Variants in EMC3 observed in about 807,000 individuals in gnomAD.
The protein encoded by EMC3 is 30 kDa protein.
EMC3 carries 13 observed loss-of-function variants against 36.6 expected under a neutral mutation model. The observed-to-expected ratio is 0.35, with a 90% CI of 0.23 to 0.56. The LOEUF (loss-of-function observed/expected upper bound fraction) is 0.56, where lower values mean the gene tolerates loss of function less well. Among genes scored for constraint, EMC3 ranks in the 20% least tolerant of loss-of-function variants. The pLI, the probability that EMC3 is intolerant of heterozygous loss-of-function variation, is 0.84. For synonymous variants in EMC3, 120 were observed against 111.9 expected (o/e 1.07, Z -0.46); for missense variants, 220 against 324.5 (o/e 0.68, Z 2.47).
At chr3:9,977,645 T>C (rs1163296667) in intron 1 of EMC3, among the ~76,000 whole-genome samples, 199 bp from the exon 2 acceptor site, 1 of 152,200 alleles carries the variant, frequency 6.6e-6, no homozygotes, top group Non-Finnish European at 1.5e-5. Context: ...CAGAAAAGTA[T>C]TTTTCAAAAG....
intron 1 of EMC3, among the ~76,000 whole-genome samples, chr3:9,998,338 C>G (rs2086153336): frequency 6.7e-6 from 1 of 148,842 alleles, no homozygotes; most frequent in Non-Finnish European, 1.5e-5. Context: ...TGCACTCCAG[C>G]CGGGGCAACA....
At position 9,984,724 on chromosome 3, in the gene EMC3, G is replaced by T. The variant is rs180806687; in HGVS notation, c.155+1783C>A. ...GACTTCTTAAGGTTCGCTCCAGGGT[G>T]GGGTGCTGGCTCTGGTCAGTTCTGA... On this transcript the variant is annotated intron_variant, in intron 1 of 7. Coordinates refer to ENST00000245046, the MANE Select transcript of EMC3 (RefSeq NM_001394674.1). 1.4e-4 allele frequency among the ~76,000 whole-genome samples: 22 copies of T among 152,278 alleles called. 1 individual carries two copies. The East Asian group carries it at 3.9e-3, about 27-fold the overall frequency.
At chr3:9,966,346 C>T (rs2085736545) in intron 7 of EMC3, among the ~76,000 whole-genome samples, 1 of 151,614 alleles carries the variant, frequency 6.6e-6, no homozygotes, top group Admixed American at 6.6e-5. Flanking sequence ...CCTCAGCCTC[C>T]TGAGCAGCTG....
rs1426054204 is a variant in EMC3 at position 10,001,000 on chromosome 3, G to A, written c.-242+10023C>T. 9.0e-5 allele frequency: 23 copies of A among 256,806 alleles called. 1 individual carries two copies. In the East Asian group the frequency reaches 1.3e-3, roughly 14 times the overall value. 15.9% of individuals were successfully genotyped at this position (256,806 alleles called of 1,614,324 possible). On this transcript the variant is annotated intron_variant, in intron 1 of 8. Coordinates refer to the EMC3 transcript ENST00000470827. ...CCACGAAGGTTGCCACTCCAAAGCC[G>A]GACAACCCACTCTTTACTTTTTTTG...
chr3:9,998,229 G>A (rs2086151806), intron 1 of EMC3, among the ~76,000 whole-genome samples: 1 of 151,596 alleles, frequency 6.6e-6, no homozygotes, highest in East Asian at 1.9e-4. Context: ...AGCTAGGCGT[G>A]GTGGTGTGCG....
chr3:9,973,523 C>T (rs1482638288), intron 5 of EMC3, 105 bp downstream of exon 5: 1 of 1,028,714 alleles, frequency 9.7e-7, no homozygotes. Flanking sequence ...CAGGGTCTTA[C>T]TCTGTTGCCC....
chr3:10,006,401 G>A (rs561132405), intron 1 of EMC3: 5 of 152,360 alleles, frequency 3.3e-5, no homozygotes, highest in African/African-American at 9.6e-5. Context: ...CGTTGTGGTG[G>A]TCAAGCCACA....
chr3:9,994,860 C>T (rs1362940152), intron 1 of EMC3, among the ~76,000 whole-genome samples: 1 of 152,136 alleles, frequency 6.6e-6, no homozygotes, highest in Non-Finnish European at 1.5e-5. Context: ...GCATGAGCCA[C>T]CGTGCCTGGC....
intron 1 of EMC3, among the ~76,000 whole-genome samples, chr3:9,993,775 ACTT>A (rs1002834909): frequency 6.6e-6 from 1 of 151,974 alleles, no homozygotes; most frequent in Non-Finnish European, 1.5e-5. Context: ...GAGCATGATC[ACTT>A]CTTTTAAAAA....
chr3:9,988,450 G>A, upstream of EMC3: 13 of 1,363,670 alleles, frequency 9.5e-6, no homozygotes, highest in Non-Finnish European at 1.4e-5. Flanking sequence ...TTAGATATGA[G>A]AAAACCATTT....
intron 1 of EMC3, chr3:10,000,704 C>T: frequency 2.1e-6 from 1 of 473,356 alleles, no homozygotes; most frequent in Non-Finnish European, 4.2e-6. Context: ...CTTCTTAATG[C>T]CGGCAAAGAT....
At chr3:9,993,170 A>T (rs2086075784) in intron 1 of EMC3, among the ~76,000 whole-genome samples, 2 of 152,204 alleles carry the variant, frequency 1.3e-5, no homozygotes, top group South Asian at 4.1e-4. Context: ...TGCAGTTTGC[A>T]ATTATGACAA....
intron 1 of EMC3, among the ~76,000 whole-genome samples, chr3:9,984,548 C>T (rs528271123): frequency 1.3e-5 from 2 of 151,634 alleles, no homozygotes; most frequent in African/African-American, 2.4e-5. Flanking sequence ...CAGCATACCA[C>T]GCTCAGCTAA....
At chr3:9,990,934 T>C (rs1211197521), upstream of EMC3, among the ~76,000 whole-genome samples, 1 of 152,034 alleles carries the variant, frequency 6.6e-6, no homozygotes, top group Non-Finnish European at 1.5e-5. Flanking sequence ...GTTCACGCCA[T>C]TCTCCTGCCT....
chr3:9,995,116 T>C lies in EMC3; in HGVS notation c.-241-8214A>G, dbSNP rs1212272351. On this transcript the variant is annotated intron_variant, in intron 1 of 8. Coordinates refer to the EMC3 transcript ENST00000470827. ...GCTGTTGTAATTGAGAATTCTGTTA[T>C]GACTTATGGAGTGACGGTATAAAGG... 1.3e-4 allele frequency among the ~76,000 whole-genome samples: 20 copies of C among 152,102 alleles called. No homozygotes were observed. The South Asian group carries it at 2.1e-3, about 16-fold the overall frequency.
intron 1 of EMC3, among the ~76,000 whole-genome samples, chr3:9,979,200 G>C (rs2085883312): frequency 6.6e-6 from 1 of 152,204 alleles, no homozygotes; most frequent in Admixed American, 6.5e-5. Context: ...GATACTCAAA[G>C]TGTGGTGAAT....
chr3:9,975,574 A>T (rs190762950), intron 3 of EMC3, among the ~76,000 whole-genome samples: 8 of 152,042 alleles, frequency 5.3e-5, no homozygotes, highest in African/African-American at 1.4e-4. Context: ...GCACTTTGGG[A>T]GGCCAAGGCG....
At chr3:9,999,598 CG>C (rs918800707) in intron 1 of EMC3, among the ~76,000 whole-genome samples, 25 of 152,002 alleles carry the variant, frequency 1.6e-4, no homozygotes, top group Non-Finnish European at 1.6e-4. Flanking sequence ...TATTTTGAGT[CG>C]TATGATCACA....
chr3:9,968,152 C>T (rs553290582), intron 7 of EMC3, among the ~76,000 whole-genome samples: 4 of 152,192 alleles, frequency 2.6e-5, no homozygotes, highest in Admixed American at 6.5e-5. Context: ...GATCTCTTGA[C>T]GTTGTGATCT....
Sources: allele counts gnomAD v4.1 joint callset (sites outside exome capture counted in the v4.1 genomes callset), GRCh38; gene constraint gnomAD v4.1.1; transcripts MANE v1.5; gene names NCBI Gene and HGNC (gene_info 2026-07-23, HGNC 2026-07-21).